The following EFNA5 variants were observed in gnomAD, a reference collection of about 807,000 sequenced individuals.
EFNA5 encodes ephrin A5.
In EFNA5, 5 loss-of-function variants were observed where a neutral mutation model predicts 22.9. The observed-to-expected ratio is 0.22, with a 90% CI of 0.11 to 0.46. The LOEUF (loss-of-function observed/expected upper bound fraction) is 0.46, where lower values mean the gene tolerates loss of function less well. EFNA5 is among the 20% of genes least tolerant of loss of function. The pLI is 0.99. For missense variants in EFNA5, 237 were observed against 293.3 expected (o/e 0.81, Z 1.40); for synonymous variants, 113 against 112.2 (o/e 1.01, Z -0.04).
chr5:107,587,365 G>T (rs1307425543), intron 1 of EFNA5, among the ~76,000 whole-genome samples: 1 of 151,872 alleles, frequency 6.6e-6, no homozygotes, highest in East Asian at 1.9e-4. Flanking sequence ...CTTGTATGCT[G>T]GGAAAAAAAG....
chr5:107,482,451 A>G (rs916339262), intron 1 of EFNA5, among the ~76,000 whole-genome samples: 7 of 152,142 alleles, frequency 4.6e-5, no homozygotes, highest in Non-Finnish European at 8.8e-5. Context: ...TAAACTAGAG[A>G]ATGAGAAGTC....
chr5:107,466,893 C>T (rs182305418), intron 1 of EFNA5, among the ~76,000 whole-genome samples: 1 of 152,136 alleles, frequency 6.6e-6, no homozygotes, highest in African/African-American at 2.4e-5. Context: ...AGAGAAATAC[C>T]GAAGAAGAGA....
intron 2 of EFNA5, among the ~76,000 whole-genome samples, chr5:107,398,604 G>T (rs973239938): frequency 1.3e-5 from 2 of 151,914 alleles, no homozygotes; most frequent in Admixed American, 1.3e-4. Flanking sequence ...CCCAGCATTC[G>T]GGAAGGCTGA....
At chr5:107,660,278 ATAT>A (rs1750920613) in intron 1 of EFNA5, among the ~76,000 whole-genome samples, 2 of 42,940 alleles carry the variant, frequency 4.7e-5, no homozygotes, top group South Asian at 7.4e-4. Flanking sequence ...ATATATATAT[ATAT>A]ATATATATAT....
At chr5:107,508,311 T>A (rs920697642) in intron 1 of EFNA5, among the ~76,000 whole-genome samples, 1 of 152,220 alleles carries the variant, frequency 6.6e-6, no homozygotes, top group East Asian at 1.9e-4. Context: ...ACAGTTATTA[T>A]GTGAACACCG....
intron 1 of EFNA5, among the ~76,000 whole-genome samples, chr5:107,474,875 G>T (rs1259275266): frequency 6.6e-6 from 1 of 152,196 alleles, no homozygotes; most frequent in African/African-American, 2.4e-5. Context: ...GGACAATTAT[G>T]TTGACTCATA....
intron 1 of EFNA5, among the ~76,000 whole-genome samples, chr5:107,469,588 T>C (rs1750083733): frequency 1.3e-5 from 2 of 152,112 alleles, no homozygotes; most frequent in South Asian, 4.1e-4. Flanking sequence ...GGTGTCTTTC[T>C]TTTCTTGTTA....
chr5:107,566,968 T>C (rs1748677692), intron 1 of EFNA5, among the ~76,000 whole-genome samples: 1 of 152,242 alleles, frequency 6.6e-6, no homozygotes, highest in Non-Finnish European at 1.5e-5. Flanking sequence ...CTTACTACAG[T>C]TTCCCTTTTT....
intron 1 of EFNA5, among the ~76,000 whole-genome samples, chr5:107,550,921 A>C: frequency 6.6e-6 from 1 of 152,232 alleles, no homozygotes; most frequent in Middle Eastern, 3.2e-3. Flanking sequence ...TGGTAATTTT[A>C]AAAAGCTTTA....
Position 107,410,087 on chromosome 5 carries a change from G to A in EFNA5, c.418+17130C>T, listed in dbSNP as rs142940478. Among the ~76,000 whole-genome samples the A allele has an allele frequency of 6.6e-3, 982 of 148,998 alleles. 15 individuals are homozygous for A. The highest frequency in any genetic ancestry group is 0.021 in the African/African-American group (852 of 40,078). ...TCTGTTGCCCAGGCTGGAGTGCAGC[G>A]GCGCGATCTCGGTTCATGCAAGCTC... On this transcript the variant is annotated intron_variant, in intron 2 of 4. Coordinates refer to ENST00000333274, the MANE Select transcript of EFNA5 (RefSeq NM_001962.3).
intron 2 of EFNA5, among the ~76,000 whole-genome samples, chr5:107,390,845 T>C (rs776489834): frequency 6.6e-6 from 1 of 152,230 alleles, no homozygotes; most frequent in Non-Finnish European, 1.5e-5. Flanking sequence ...GCTTCATCTA[T>C]CATTTCAAAT....
At chr5:107,426,642 G>A (rs1198334135) in intron 2 of EFNA5, among the ~76,000 whole-genome samples, 2 of 152,148 alleles carry the variant, frequency 1.3e-5, no homozygotes, top group African/African-American at 4.8e-5. Flanking sequence ...CTCACAGGTC[G>A]GAAACTCGCT....
chr5:107,545,869 A>G (rs1748135636), intron 1 of EFNA5, among the ~76,000 whole-genome samples: 1 of 152,178 alleles, frequency 6.6e-6, no homozygotes, highest in African/African-American at 2.4e-5. Context: ...TTGTGTCCTA[A>G]TGTCCTGTTG....
chr5:107,401,259 T>C (rs902599654), intron 2 of EFNA5, among the ~76,000 whole-genome samples: 2 of 152,170 alleles, frequency 1.3e-5, no homozygotes, highest in Middle Eastern at 3.2e-3. Context: ...AATAGGAAGA[T>C]TTATTGTATT....
At position 107,560,676 on chromosome 5, in the gene EFNA5, G is replaced by C. The variant is rs530285687; in HGVS notation, c.125+109813C>G. On this transcript the variant is annotated intron_variant, in intron 1 of 4. Transcript: ENST00000333274. The stretch of plus-strand genomic sequence containing the variant: ...AAGTGGCTTAACGTTGTGGTTATCA[G>C]ATTCTTTATCTCTCAAAAAGGGGAT... Among the ~76,000 whole-genome samples, 15 of 152,294 alleles carry C rather than the reference G, an allele frequency of 9.8e-5. 1 individual carries two copies. The South Asian group carries it at 3.1e-3, about 32-fold the overall frequency.
chr5:107,552,313 T>C (rs757191080), intron 1 of EFNA5, among the ~76,000 whole-genome samples: 6 of 152,166 alleles, frequency 3.9e-5, no homozygotes, highest in African/African-American at 9.7e-5. Flanking sequence ...ATAATAATAA[T>C]AACTGCTAAT....
At chr5:107,631,761 G>A (rs2112536844) in intron 1 of EFNA5, among the ~76,000 whole-genome samples, 1 of 152,220 alleles carries the variant, frequency 6.6e-6, no homozygotes, top group Admixed American at 6.5e-5. Context: ...AAAATGGGAG[G>A]GGGGAAATAA....
chr5:107,393,995 A>G (rs1747853930), intron 2 of EFNA5, among the ~76,000 whole-genome samples: 1 of 152,226 alleles, frequency 6.6e-6, no homozygotes. Context: ...TGTTAAAACA[A>G]AAGTTAGGCC....
chr5:107,421,134 T>C (rs1396428063), intron 2 of EFNA5, among the ~76,000 whole-genome samples: 1 of 152,226 alleles, frequency 6.6e-6, no homozygotes, highest in Non-Finnish European at 1.5e-5. Context: ...TAGGTTACTT[T>C]GTTTTAAAAA....
Sources: gnomAD v4.1 joint callset for allele counts (sites outside exome capture counted in the v4.1 genomes callset) on GRCh38, gnomAD v4.1.1 for gene constraint, MANE v1.5 for transcripts, NCBI Gene and HGNC (gene_info 2026-07-23, HGNC 2026-07-21) for gene names.